The following GLIS1 variants were observed in gnomAD, a reference collection of about 807,000 sequenced individuals.
GLIS1 encodes GLIS family zinc finger 1, also known as zinc finger protein GLIS1.
In GLIS1, 24 loss-of-function variants were observed where a neutral mutation model predicts 63.8. The observed-to-expected ratio is 0.38, with a 90% confidence interval of 0.27 to 0.53. The LOEUF is 0.53. GLIS1 is among the 20% of genes least tolerant of loss of function. The pLI is 0.85. For synonymous variants in GLIS1, 450 were observed against 482.5 expected, an observed-to-expected ratio of 0.93 and a Z score of 0.88; for missense variants, 1,036 against 1,074.1, an observed-to-expected ratio of 0.96 and a Z score of 0.50.
chr1:53,602,037 G>A lies in GLIS1; in HGVS notation c.260-1759C>T, dbSNP rs544546633. Among the ~76,000 whole-genome samples the A allele has an allele frequency of 2.2e-4, 34 of 152,268 alleles. No homozygotes were observed. The South Asian group carries it at 5.6e-3, about 25-fold the overall frequency. On this transcript the variant is annotated intron_variant, in intron 2 of 10. Coordinates refer to ENST00000628545, the MANE Select transcript of GLIS1 (RefSeq NM_001367484.1). ...CACGTTCCCAGCCACACGCGAGCCC[G>A]TGGAGAGGACTCGGCAAACATCTGC...
intron 8 of GLIS1, among the ~76,000 whole-genome samples, chr1:53,512,422 C>T (rs1193623630): frequency 1.3e-5 from 2 of 152,198 alleles, no homozygotes; most frequent in African/African-American, 4.8e-5. Context: ...TAAATTTGGT[C>T]ATGAAGTCAG....
intron 2 of GLIS1, among the ~76,000 whole-genome samples, chr1:53,684,140 G>A (rs1423885220): frequency 6.6e-6 from 1 of 152,050 alleles, no homozygotes; most frequent in Non-Finnish European, 1.5e-5. Flanking sequence ...GCCTGGGGGT[G>A]TCCATGTCTC....
At chr1:53,715,029 G>A (rs1646683672) in intron 2 of GLIS1, among the ~76,000 whole-genome samples, 1 of 152,130 alleles carries the variant, frequency 6.6e-6, no homozygotes, top group South Asian at 2.1e-4. Flanking sequence ...CAATCCTCCT[G>A]CCTCAGCCTC....
At chr1:53,725,826 G>C (rs1010673388) in intron 2 of GLIS1, among the ~76,000 whole-genome samples, 1 of 152,166 alleles carries the variant, frequency 6.6e-6, no homozygotes, top group Non-Finnish European at 1.5e-5. Context: ...CATTTTAAAA[G>C]GGGGAACTGA....
At chr1:53,653,043 T>C (rs1645925584) in intron 2 of GLIS1, among the ~76,000 whole-genome samples, 1 of 152,206 alleles carries the variant, frequency 6.6e-6, no homozygotes, top group Non-Finnish European at 1.5e-5. Context: ...CTGATGTCTG[T>C]CTCTCAACAC....
In GLIS1 at chr1:53,506,418, C is replaced by T; in HGVS notation, c.*201G>A. The T allele has an allele frequency of 1.7e-6, 1 of 585,036 alleles. No homozygotes were observed. The highest frequency in any genetic ancestry group is 3.0e-6 in the Non-Finnish European group (1 of 330,288). The allele number at this position is 585,036 out of a possible 1,614,324, so 36.2% of individuals were successfully genotyped here. On this transcript the variant is annotated 3_prime_UTR_variant, in exon 11 of 11. Coordinates refer to ENST00000628545, the MANE Select transcript of GLIS1 (RefSeq NM_001367484.1). The stretch of plus-strand genomic sequence containing the variant: ...CAGGGCCACAGATCCTGGCGGGCAC[C>T]TCTGTGCGCCCAGCTCAAGCTCGGA...
intron 4 of GLIS1, among the ~76,000 whole-genome samples, chr1:53,540,259 C>G (rs1434817941): frequency 6.6e-6 from 1 of 152,174 alleles, no homozygotes; most frequent in Admixed American, 6.5e-5. Context: ...CTGGGGGATT[C>G]TTTTTAGGTG....
intron 7 of GLIS1, among the ~76,000 whole-genome samples, chr1:53,516,355 C>A (rs1376785539): frequency 6.6e-6 from 1 of 152,174 alleles, no homozygotes; most frequent in Non-Finnish European, 1.5e-5. Context: ...CCCAGGCCTG[C>A]AATTCAGGAG....
intron 4 of GLIS1, among the ~76,000 whole-genome samples, chr1:53,546,680 G>A (rs747275418): frequency 1.3e-4 from 20 of 152,192 alleles, no homozygotes; most frequent in Admixed American, 6.5e-5. Flanking sequence ...CCATGCAACC[G>A]ACACCAAGGT....
intron 4 of GLIS1, among the ~76,000 whole-genome samples, chr1:53,575,841 T>A (rs1156242551): frequency 6.6e-6 from 1 of 152,084 alleles, no homozygotes; most frequent in African/African-American, 2.4e-5. Context: ...TATGCCGCCC[T>A]GCGGGTCCCC....
chr1:53,669,933 AGCCCAGCCAAG>A (rs71720712), intron 2 of GLIS1, among the ~76,000 whole-genome samples: 31,534 of 152,148 alleles, frequency 0.21, 3,303 homozygotes, highest in East Asian at 0.33. Context: ...AGCAGCTTGC[AGCCCAGCCAAG>A]GCCCAGCCAG....
intron 1 of GLIS1, among the ~76,000 whole-genome samples, chr1:53,738,815 A>G (rs975055731): frequency 6.6e-6 from 1 of 151,618 alleles, no homozygotes; most frequent in South Asian, 2.1e-4. Flanking sequence ...ACACCCGCAC[A>G]CCCGCCGAGG....
At chr1:53,551,642 T>C (rs1241729346) in intron 4 of GLIS1, among the ~76,000 whole-genome samples, 3 of 137,128 alleles carry the variant, frequency 2.2e-5, no homozygotes, top group African/African-American at 8.4e-5. Flanking sequence ...CTCAGAGTGC[T>C]CTGCAGAGCA....
At chr1:53,711,053 A>G (rs1646641688) in intron 2 of GLIS1, among the ~76,000 whole-genome samples, 1 of 152,072 alleles carries the variant, frequency 6.6e-6, no homozygotes, top group African/African-American at 2.4e-5. Context: ...CTCACACCCT[A>G]TCACAGGCCA....
Position 53,594,135 on chromosome 1 carries a change from G to C in GLIS1, c.1293C>G (p.His431Gln). ...RYKLLIHMRV[H>Q]SGEKPNKCMF... The stretch of plus-strand genomic sequence containing the variant: ...TGCACTTGTTGGGCTTCTCGCCCGA[G>C]TGCACTCGCATGTGGATGAGCAGCT... The change falls in exon 4 of 11, where the codon CAC becomes CAG. Residue 431 changes from histidine to glutamine, a missense_variant. His to Gln is a conservative substitution (Grantham distance 24, BLOSUM62 0). This residue lies in a region of GLIS1 where 592 missense variants were observed against 593.9 expected (regional missense o/e 1.00). Transcript: ENST00000628545. 2 of 1,612,718 alleles carry C rather than the reference G, an allele frequency of 1.2e-6. No homozygotes were observed. Among genetic ancestry groups the C allele is most frequent in the Non-Finnish European group, 1.7e-6 (2 of 1,179,006 alleles).
chr1:53,514,840 T>C (rs1644334583), intron 7 of GLIS1, 59 bp from the exon 8 acceptor site: 1 of 1,492,830 alleles, frequency 6.7e-7, no homozygotes, highest in African/African-American at 1.4e-5. Context: ...ATGGTTGTGA[T>C]GGCCCAGGAG....
chr1:53,508,124 T>G (rs949702661), intron 10 of GLIS1, among the ~76,000 whole-genome samples: 1 of 150,320 alleles, frequency 6.7e-6, no homozygotes, highest in Non-Finnish European at 1.5e-5. Flanking sequence ...TGCACACAGA[T>G]GGGGTTCACG....
Position 53,651,766 on chromosome 1 carries a change from CAG to C in GLIS1, c.260-51490_260-51489del, listed in dbSNP as rs528266643. ...GCACACACCTGTAGTCCTAGCTACT[CAG>C]GGGGCTGAGGTGGAAGGATCGCTTG... On this transcript the variant is annotated intron_variant, in intron 2 of 10. Coordinates refer to ENST00000628545, the MANE Select transcript of GLIS1 (RefSeq NM_001367484.1). 1.3e-4 allele frequency among the ~76,000 whole-genome samples: 19 copies of C among 151,616 alleles called. No individual in the cohort carries two copies. In the South Asian group the frequency reaches 3.9e-3, roughly 31 times the overall value.
At chr1:53,729,385 G>A (rs1270788111) in intron 2 of GLIS1, among the ~76,000 whole-genome samples, 1 of 152,100 alleles carries the variant, frequency 6.6e-6, no homozygotes, top group Non-Finnish European at 1.5e-5. Flanking sequence ...ATGACTGTTT[G>A]ATCAATCATT....
Sources: allele counts gnomAD v4.1 joint callset (sites outside exome capture counted in the v4.1 genomes callset), GRCh38; gene constraint gnomAD v4.1.1; regional missense constraint gnomAD v4.1.1; transcripts MANE v1.5; gene names NCBI Gene and HGNC (gene_info 2026-07-23, HGNC 2026-07-21).